ANGPTL1: variants seen among roughly 807,000 people sequenced by gnomAD.
The protein encoded by ANGPTL1 is angiopoietin-related protein 1.
A neutral mutation model predicts 46.7 loss-of-function variants in ANGPTL1; 36 were observed. The observed-to-expected ratio is 0.77, with a 90% CI of 0.59 to 1.02. The LOEUF (loss-of-function observed/expected upper bound fraction) is 1.02, where lower values mean the gene tolerates loss of function less well. Ranked by LOEUF, ANGPTL1 falls within the 50% of genes least tolerant of loss-of-function variation. ANGPTL1 has a pLI of 0.00. For synonymous variants in ANGPTL1, 221 were observed against 204.3 expected (o/e 1.08, Z -0.69); for missense variants, 571 against 594.7 (o/e 0.96, Z 0.41).
intron 2 of ANGPTL1, among the ~76,000 whole-genome samples, chr1:178,868,090 G>A (rs1658530592): frequency 6.6e-6 from 1 of 151,882 alleles, no homozygotes; most frequent in Non-Finnish European, 1.5e-5. Flanking sequence ...CTGACTGATA[G>A]CCAAAGCACA....
intron 3 of ANGPTL1, among the ~76,000 whole-genome samples, chr1:178,862,806 T>C (rs12755340): frequency 0.014 from 2,112 of 152,240 alleles, 27 homozygotes; most frequent in Non-Finnish European, 0.019. Context: ...AGGACATTAT[T>C]CTTAGCCAGA....
chr1:178,857,125 G>A (rs1657641032), intron 3 of ANGPTL1, among the ~76,000 whole-genome samples: 1 of 152,114 alleles, frequency 6.6e-6, no homozygotes, highest in South Asian at 2.1e-4. Context: ...TTCTTATGTG[G>A]GAGTGAGATG....
Position 178,853,826 on chromosome 1 carries a change from A to G in ANGPTL1, c.824-39T>C, listed in dbSNP as rs1189287533. 22 of 1,475,580 alleles carry G rather than the reference A, an allele frequency of 1.5e-5. 1 individual carries two copies. The highest frequency in any genetic ancestry group is 1.9e-5 in the Non-Finnish European group (21 of 1,108,446). The allele number at this position is 1,475,580 out of a possible 1,614,324, so 91.4% of individuals were successfully genotyped here. Reference sequence around the variant, plus strand: ...ATCATTTATTATCAGCAAACTTAATATGAGAAGAGACATGTTAAAAGTTTT... The same window carrying G: ...ATCATTTATTATCAGCAAACTTAATGTGAGAAGAGACATGTTAAAAGTTTT... On this transcript the variant is annotated intron_variant, in intron 3 of 5. Transcript: ENST00000234816.
intron 3 of ANGPTL1, among the ~76,000 whole-genome samples, chr1:178,859,178 T>A (rs1244084154): frequency 2.0e-5 from 3 of 152,166 alleles, no homozygotes; most frequent in African/African-American, 7.2e-5. Context: ...TACGTTCTCA[T>A]AACTGGCTAA....
At chr1:178,864,931 T>C in intron 3 of ANGPTL1, 23 bp downstream of exon 3, 1 of 1,401,912 alleles carries the variant, frequency 7.1e-7, no homozygotes, top group Non-Finnish European at 9.3e-7. Context: ...TACTCCCACT[T>C]TTTACAGTAA....
chr1:178,853,954 A>G (rs1242786978), intron 3 of ANGPTL1, among the ~76,000 whole-genome samples, 167 bp from the exon 4 acceptor site: 2 of 152,030 alleles, frequency 1.3e-5, no homozygotes, highest in Non-Finnish European at 2.9e-5. Flanking sequence ...CTCCAGTTCT[A>G]TCTGGAACAT....
At chr1:178,860,985 TGTA>T (rs1262314594) in intron 3 of ANGPTL1, among the ~76,000 whole-genome samples, 13 of 152,104 alleles carry the variant, frequency 8.5e-5, no homozygotes, top group African/African-American at 3.1e-4. Flanking sequence ...TGTTGTTGCT[TGTA>T]GTAATTTAAT....
At position 178,869,176 on chromosome 1, in the gene ANGPTL1, G is replaced by C. The variant is rs1658597427; in HGVS notation, c.-89C>G. 4 of 152,036 alleles carry C rather than the reference G, an allele frequency of 2.6e-5. No homozygotes were observed. The South Asian group carries it at 8.3e-4, about 32-fold the overall frequency. 9.4% of individuals were successfully genotyped at this position (152,036 alleles called of 1,614,324 possible). A position where few individuals can be genotyped will look rare whatever the true frequency, so the allele number is the denominator to read the frequency against. On this transcript the variant is annotated 5_prime_UTR_variant, in exon 2 of 6. Transcript: ENST00000234816. ...AGAAAAAAAAGTCTTCTATGCGTTG[G>C]GTTAATTTTATTAGTAGCTTTTCTC... is the stretch of plus-strand genomic sequence containing the variant.
At chr1:178,855,947 A>G (rs1657506525) in intron 3 of ANGPTL1, among the ~76,000 whole-genome samples, 1 of 148,788 alleles carries the variant, frequency 6.7e-6, no homozygotes, top group South Asian at 2.1e-4. Flanking sequence ...TATACATTTT[A>G]TATATAATAT....
chr1:178,867,226 A>G (rs562536311), intron 2 of ANGPTL1, among the ~76,000 whole-genome samples: 1 of 152,218 alleles, frequency 6.6e-6, no homozygotes, highest in African/African-American at 2.4e-5. Flanking sequence ...AGCCATTTTC[A>G]TGTTTTACTT....
chr1:178,856,204 T>TATATATATATATATAG (rs1464610632), intron 3 of ANGPTL1, among the ~76,000 whole-genome samples: 4 of 15,836 alleles, frequency 2.5e-4, no homozygotes, highest in African/African-American at 5.8e-4. Context: ...GAGAGAGAGA[T>TATATATATATATATAG]ATATATATAT....
At chr1:178,862,593 T>TTTATTTATTTATTTATTTA (rs1553272297) in intron 3 of ANGPTL1, among the ~76,000 whole-genome samples, 1 of 140,656 alleles carries the variant, frequency 7.1e-6, no homozygotes, top group African/African-American at 2.7e-5. Flanking sequence ...GTTGCATTTT[T>TTTATTTATTTATTTATTTA]TTTATTTATT....
chr1:178,865,762 G>A lies in ANGPTL1; in HGVS notation c.15C>T (p.Thr5=), dbSNP rs763199904. Reference sequence around the variant, plus strand: ...GGAAGAATAGCACACCTAGGGTCCAGGTAAAAGTCTTCATTTTGAAATGAG... The same window carrying A: ...GGAAGAATAGCACACCTAGGGTCCAAGTAAAAGTCTTCATTTTGAAATGAG... MKTF[T]WTLGVLFFLL... Residue 5 remains threonine (T), a synonymous_variant, in exon 3 of 6, where the codon ACC becomes ACT. Transcript: ENST00000234816. 6.3e-7 allele frequency: 1 copy of A among 1,582,194 alleles called. No homozygotes were observed. Among genetic ancestry groups the A allele is most frequent in the South Asian group, 1.2e-5 (1 of 86,390 alleles).
rs1025923009 is a variant in ANGPTL1, at chr1:178,855,909, T to C, written c.824-2122A>G. Among the ~76,000 whole-genome samples the C allele has an allele frequency of 1.0e-4, 15 of 150,250 alleles. 1 individual carries two copies. The East Asian group carries it at 2.9e-3, about 29-fold the overall frequency. On this transcript the variant is annotated intron_variant, in intron 3 of 5. Transcript: ENST00000234816. ...TGATAGGGTTTTTCTTTTTGTTGTTTGTTAATACACGAATTACATTGAATA... is the reference window on the plus strand; with the variant it reads ...TGATAGGGTTTTTCTTTTTGTTGTTCGTTAATACACGAATTACATTGAATA...
At position 178,851,038 on chromosome 1, in the gene ANGPTL1, AT is replaced by A. The variant is rs1657139823; in HGVS notation, c.*90del. 10 of 1,210,206 alleles carry A rather than the reference AT, an allele frequency of 8.3e-6. No individual in the cohort carries two copies. Among genetic ancestry groups the A allele is most frequent in the Non-Finnish European group, 1.1e-5 (10 of 898,606 alleles). The allele number at this position is 1,210,206 out of a possible 1,614,324, so 75.0% of individuals were successfully genotyped here. ...TTAAAAACTTTCTGTGTAGAAATAA[AT>A]TGTGCCAAGTAATATACATGTAACA... On this transcript the variant is annotated 3_prime_UTR_variant, in exon 6 of 6. Coordinates refer to ENST00000234816, the MANE Select transcript of ANGPTL1 (RefSeq NM_004673.4).
In ANGPTL1 at chr1:178,857,481, T is replaced by C. The variant is rs1264344791; in HGVS notation, c.824-3694A>G. Among the ~76,000 whole-genome samples, 3 of 152,126 alleles carry C rather than the reference T, an allele frequency of 2.0e-5. No homozygotes were observed. The East Asian group carries it at 5.8e-4, about 29-fold the overall frequency. On this transcript the variant is annotated intron_variant, in intron 3 of 5. Transcript: ENST00000234816. ...CAAGAAAGAGAGAATTCCACTATAA[T>C]ATGACAAGTACTTTGATGGAGTTAT...
intron 4 of ANGPTL1, chr1:178,853,281 C>G: frequency 1.2e-5 from 11 of 909,720 alleles, no homozygotes; most frequent in Non-Finnish European, 1.4e-5. Flanking sequence ...AAAAAGGGTT[C>G]CTGGTCTCTC....
At chr1:178,858,225 A>G (rs1444284441) in intron 3 of ANGPTL1, among the ~76,000 whole-genome samples, 1 of 152,134 alleles carries the variant, frequency 6.6e-6, no homozygotes, top group Non-Finnish European at 1.5e-5. Flanking sequence ...AGTCCAGTGT[A>G]TATTGTTGAT....
intron 2 of ANGPTL1, 95 bp downstream of exon 2, chr1:178,869,019 T>C (rs1025614850): frequency 6.6e-5 from 10 of 152,022 alleles, no homozygotes; most frequent in Non-Finnish European, 2.9e-5. Flanking sequence ...AAGCAAAAGA[T>C]CCATAAATCT....
Sources: gnomAD v4.1 joint callset for allele counts (sites outside exome capture counted in the v4.1 genomes callset) on GRCh38, gnomAD v4.1.1 for gene constraint, MANE v1.5 for transcripts, NCBI Gene and HGNC (gene_info 2026-07-23, HGNC 2026-07-21) for gene names.